Variants in C10orf71 observed in about 807,000 individuals in gnomAD.
The protein encoded by C10orf71 is chromosome 10 open reading frame 71.
For synonymous variants in C10orf71, 758 were observed against 726.3 expected, an observed-to-expected ratio of 1.04 and a Z score of -0.70; for missense variants, 1,869 against 1,804.5, an observed-to-expected ratio of 1.04 and a Z score of -0.65.
upstream of C10orf71, among the ~76,000 whole-genome samples, chr10:49,297,220 G>A (rs143223826): frequency 2.6e-5 from 4 of 152,342 alleles, no homozygotes; most frequent in South Asian, 2.1e-4. Context: ...CGGCCCTGCC[G>A]AAGCTTTCAG....
At chr10:49,298,273 G>A (rs935464623), upstream of C10orf71, among the ~76,000 whole-genome samples, 3 of 152,208 alleles carry the variant, frequency 2.0e-5, no homozygotes, top group Admixed American at 6.5e-5. Context: ...GACACCCAGC[G>A]GGGGCCAGTC....
intron 1 of C10orf71, among the ~76,000 whole-genome samples, chr10:49,299,839 C>T (rs113385262): frequency 5.9e-5 from 9 of 152,134 alleles, no homozygotes; most frequent in African/African-American, 9.7e-5. Context: ...GCTCCCCCAG[C>T]GCTGGGCCAG....
intron 2 of C10orf71, among the ~76,000 whole-genome samples, chr10:49,317,996 G>A (rs1424400095): frequency 6.6e-6 from 1 of 152,190 alleles, no homozygotes; most frequent in African/African-American, 2.4e-5. Flanking sequence ...CTTCCTTACA[G>A]CCCTCATAAG....
At position 49,322,834 on chromosome 10, in the gene C10orf71, G is replaced by A; in HGVS notation, c.289G>A (p.Ala97Thr). ...SQGTEHSGWA[A>T]TFQQLPKYVQ... is the part of the protein sequence containing the mutation. ...GGGCACGGAACATTCGGGCTGGGCG[G>A]CCACCTTCCAACAGCTACCCAAGTA... The change falls in exon 3 of 3, where the codon GCC (alanine) becomes ACC (threonine). Residue 97 changes from alanine (A) to threonine (T), a missense_variant. Physicochemically the swap from Ala to Thr is moderately conservative, Grantham distance 58. Transcript: ENST00000374144. The A allele has an allele frequency of 1.2e-6, 2 of 1,613,942 alleles. No individual in the cohort carries two copies. Among genetic ancestry groups the A allele is most frequent in the Middle Eastern group, 3.3e-4 (2 of 6,062 alleles).
chr10:49,326,302 C>G lies in C10orf71; in HGVS notation c.3757C>G (p.Pro1253Ala). The G allele has an allele frequency of 6.5e-7, 1 of 1,549,766 alleles. No individual in the cohort carries two copies. Among genetic ancestry groups the G allele is most frequent in the Non-Finnish European group, 8.7e-7 (1 of 1,146,478 alleles). ...CCACTCCGTGTCCGGCTTCTCGGAG[C>G]CTGTCGGGAGGCGGCCCGGGGGCCC... ...HRHSVSGFSE[P>A]VGRRPGGPQS... The change falls in exon 3 of 3, where the codon CCT becomes GCT. Residue 1253 changes from proline to alanine, a missense_variant. Pro to Ala is a conservative substitution (Grantham distance 27). Coordinates refer to ENST00000374144, the MANE Select transcript of C10orf71 (RefSeq NM_001135196.2).
chr10:49,307,788 G>A (rs1848840519), intron 1 of C10orf71, among the ~76,000 whole-genome samples: 2 of 152,216 alleles, frequency 1.3e-5, no homozygotes, highest in Non-Finnish European at 2.9e-5. Context: ...GGAGGGGACA[G>A]GTTTGTGGGA....
At position 49,324,331 on chromosome 10, in the gene C10orf71, A is replaced by C. The variant is rs1269224813; in HGVS notation, c.1786A>C (p.Thr596Pro). 1.2e-6 allele frequency: 2 copies of C among 1,613,728 alleles called. No individual in the cohort carries two copies. The highest frequency in any genetic ancestry group is 1.7e-6 in the Non-Finnish European group (2 of 1,179,874). Reference protein sequence around the residue: ...DSYLTLSTAPTIAKAPFYVNG... With the variant: ...DSYLTLSTAPPIAKAPFYVNG... The stretch of plus-strand genomic sequence containing the variant: ...CTATCTAACTCTTAGCACAGCTCCG[A>C]CTATCGCCAAAGCCCCCTTCTATGT... The change falls in exon 3 of 3, where the codon ACT becomes CCT. Residue 596 changes from threonine (T) to proline (P), a missense_variant. Physicochemically the swap from Thr to Pro is conservative, Grantham distance 38 (BLOSUM62 -1). Coordinates refer to ENST00000374144, the MANE Select transcript of C10orf71 (RefSeq NM_001135196.2).
At chr10:49,315,338 T>C (rs1352675255) in intron 1 of C10orf71, among the ~76,000 whole-genome samples, 2 of 152,224 alleles carry the variant, frequency 1.3e-5, no homozygotes, top group Non-Finnish European at 2.9e-5. Flanking sequence ...TTTTAATTAG[T>C]TCACTATTCA....
intron 2 of C10orf71, among the ~76,000 whole-genome samples, chr10:49,320,622 A>G (rs769968459): frequency 1.9e-4 from 29 of 152,214 alleles, no homozygotes; most frequent in Non-Finnish European, 3.7e-4. Flanking sequence ...GGGAACACCC[A>G]TGGAATATCA....
In C10orf71 at chr10:49,326,550, C is replaced by A. The variant is rs1009206570; in HGVS notation, c.4005C>A (p.Tyr1335Ter). Residue 1335 changes from tyrosine (Y) to a stop codon, truncating the protein, a stop_gained, in exon 3 of 3, where the codon TAC becomes TAA. Transcript: ENST00000374144. LOFTEE classifies it low-confidence loss of function (END_TRUNC). The stretch of plus-strand genomic sequence containing the variant: ...CCCTGGCCGCTCCCTATGTGCTGTA[C>A]CCCGGCTTCCAGCCAGTGCCCGTGA... ...PDALAAPYVL[Y>*]PGFQPVPVTA... 6.4e-6 allele frequency: 10 copies of A among 1,550,588 alleles called. No homozygotes were observed. Among genetic ancestry groups the A allele is most frequent in the Non-Finnish European group, 8.7e-6 (10 of 1,146,866 alleles).
At chr10:49,300,461 CAAAAAA>C (rs60669434) in intron 1 of C10orf71, among the ~76,000 whole-genome samples, 15 of 108,580 alleles carry the variant, frequency 1.4e-4, no homozygotes, top group African/African-American at 2.6e-4. Flanking sequence ...CAATTTAATA[CAAAAAA>C]AAAAAAAAAA....
chr10:49,321,879 A>G (rs1252418126), intron 2 of C10orf71, among the ~76,000 whole-genome samples: 7 of 152,184 alleles, frequency 4.6e-5, no homozygotes, highest in African/African-American at 1.7e-4. Context: ...CAGTTTCTCT[A>G]CCCATTTTTA....
rs1166420061 is a variant in C10orf71 at position 49,301,470 on chromosome 10, G to A, written c.-248+2237G>A. Reference sequence around the variant, plus strand: ...GGATGGGACAGAGCGGGAAGGACAAGGGATCAGTGGAGGCCTATCAAGACC... The same window carrying A: ...GGATGGGACAGAGCGGGAAGGACAAAGGATCAGTGGAGGCCTATCAAGACC... On this transcript the variant is annotated intron_variant, in intron 1 of 2. Transcript: ENST00000374144. Among the ~76,000 whole-genome samples, 3 of 152,186 alleles carry A rather than the reference G, an allele frequency of 2.0e-5. No homozygotes were observed. In the South Asian group the frequency reaches 6.2e-4, roughly 32 times the overall value.
rs1051768612 is a variant in C10orf71, at chr10:49,327,216, G to T, written c.*363G>T. On this transcript the variant is annotated 3_prime_UTR_variant, in exon 3 of 3. Coordinates refer to ENST00000374144, the MANE Select transcript of C10orf71 (RefSeq NM_001135196.2). Reference sequence around the variant, plus strand: ...ATTAGGTGGGTGTGGCAAGGGCACCGCCTGGTCCCAAGTGTCCCTCTGTAC... The same window carrying T: ...ATTAGGTGGGTGTGGCAAGGGCACCTCCTGGTCCCAAGTGTCCCTCTGTAC... 19 of 443,258 alleles carry T rather than the reference G, an allele frequency of 4.3e-5. No individual in the cohort carries two copies. The highest frequency in any genetic ancestry group is 7.8e-5 in the Non-Finnish European group (19 of 245,032). 27.5% of individuals were successfully genotyped at this position (443,258 alleles called of 1,614,324 possible).
chr10:49,305,324 G>A (rs1405754815), intron 1 of C10orf71, among the ~76,000 whole-genome samples: 2 of 152,106 alleles, frequency 1.3e-5, no homozygotes, highest in Non-Finnish European at 2.9e-5. Flanking sequence ...CTAAAGACAG[G>A]TGAAAGGGAC....
chr10:49,325,569 G>A lies in C10orf71; in HGVS notation c.3024G>A (p.Glu1008=), dbSNP rs1444354997. The change falls in exon 3 of 3, where the codon GAG becomes GAA. Residue 1008 remains glutamate, a synonymous_variant. Coordinates refer to ENST00000374144, the MANE Select transcript of C10orf71 (RefSeq NM_001135196.2). The part of the protein sequence containing the change: ...PWHIPTIALP[E]GDIEDQPPPW... ...ACATCCCCACCATTGCTTTACCCGA[G>A]GGTGACATAGAAGACCAGCCACCCC... 16 of 1,550,808 alleles carry A rather than the reference G, an allele frequency of 1.0e-5. No individual in the cohort carries two copies. The highest frequency in any genetic ancestry group is 6.8e-5 in the African/African-American group (5 of 73,134).
Position 49,325,138 on chromosome 10 carries a change from A to G in C10orf71, c.2593A>G (p.Thr865Ala). 1.3e-6 allele frequency: 2 copies of G among 1,551,932 alleles called. No homozygotes were observed. The highest frequency in any genetic ancestry group is 1.7e-6 in the Non-Finnish European group (2 of 1,147,064). The change falls in exon 3 of 3, where the codon ACC becomes GCC. Residue 865 changes from threonine to alanine, a missense_variant. Transcript: ENST00000374144. Reference sequence around the variant, plus strand: ...GATTAAAGACAACACCCTCAGAGCTACCCCCGTAATTAAACCTATCATGCT... The same window carrying G: ...GATTAAAGACAACACCCTCAGAGCTGCCCCCGTAATTAAACCTATCATGCT... Reference protein sequence around the residue: ...FTIKDNTLRATPVIKPIMLPL... With the variant: ...FTIKDNTLRAAPVIKPIMLPL...
At position 49,327,097 on chromosome 10, in the gene C10orf71, C is replaced by G; in HGVS notation, c.*244C>G. On this transcript the variant is annotated 3_prime_UTR_variant, in exon 3 of 3. Transcript: ENST00000374144. ...CACTGCTTGCTTGGCCCGGTCCCCTCCGTGCCAGTTCCCAGGCGCACTCTA... is the reference window on the plus strand; with the variant it reads ...CACTGCTTGCTTGGCCCGGTCCCCTGCGTGCCAGTTCCCAGGCGCACTCTA... The G allele has an allele frequency of 1.4e-6, 2 of 1,396,708 alleles. No individual in the cohort carries two copies. Among genetic ancestry groups the G allele is most frequent in the South Asian group, 2.7e-5 (2 of 74,444 alleles). The allele number at this position is 1,396,708 out of a possible 1,614,324, so 86.5% of individuals were successfully genotyped here. A position where few individuals can be genotyped will look rare whatever the true frequency, so the allele number is the denominator to read the frequency against.
rs1290274523 is a variant in C10orf71, at chr10:49,325,374, C to A, written c.2829C>A (p.Ser943Arg). Residue 943 changes from serine to arginine, a missense_variant, in exon 3 of 3, where the codon AGC (serine) becomes AGA (arginine). Transcript: ENST00000374144. Reference protein sequence around the residue: ...EVMEDPGQGSSMARMEASQPA... With the variant: ...EVMEDPGQGSRMARMEASQPA... ...TGGAGGACCCTGGGCAGGGGTCGAG[C>A]ATGGCCAGGATGGAGGCCTCTCAGC... is the stretch of plus-strand genomic sequence containing the variant. 6.4e-7 allele frequency: 1 copy of A among 1,551,640 alleles called. No individual in the cohort carries two copies. Among genetic ancestry groups the A allele is most frequent in the East Asian group, 2.4e-5 (1 of 40,902 alleles).
Sources: gnomAD v4.1 joint callset for allele counts (sites outside exome capture counted in the v4.1 genomes callset) on GRCh38, gnomAD v4.1.1 for gene constraint, MANE v1.5 for transcripts, NCBI Gene and HGNC (gene_info 2026-07-23, HGNC 2026-07-21) for gene names.